Variants in TIAM1 observed in about 807,000 individuals in gnomAD.
The protein encoded by TIAM1 is rho guanine nucleotide exchange factor TIAM1.
A neutral mutation model predicts 163.5 loss-of-function variants in TIAM1; 65 were observed. The observed-to-expected ratio is 0.40, with a 90% CI of 0.33 to 0.49. The LOEUF is 0.49. TIAM1 is among the 20% of genes least tolerant of loss of function. The pLI, the probability that TIAM1 is intolerant of heterozygous loss-of-function variation, is 0.77. For synonymous variants in TIAM1, 833 were observed against 810.1 expected, an observed-to-expected ratio of 1.03 and a Z score of -0.48; for missense variants, 1,789 against 2,044.7, an observed-to-expected ratio of 0.87 and a Z score of 2.41.
In TIAM1 at chr21:31,266,996, G is replaced by C. The variant is rs374984290; in HGVS notation, c.-11-13C>G. 4.1e-5 allele frequency: 65 copies of C among 1,573,086 alleles called. 2 individuals carry two copies. In the South Asian group the frequency reaches 5.8e-4, roughly 14 times the overall value. On this transcript the variant is annotated splice_polypyrimidine_tract_variant and intron_variant, in intron 3 of 27. Coordinates refer to ENST00000541036, the MANE Select transcript of TIAM1 (RefSeq NM_001353694.2). ...ATGGTTTTATGGTCTGCAGCAAAGC[G>C]GGGGGAAAGGGGAGAATTGAGTCAC... is the stretch of plus-strand genomic sequence containing the variant.
At chr21:31,352,094 C>T (rs1462462130) in intron 2 of TIAM1, among the ~76,000 whole-genome samples, 1 of 151,670 alleles carries the variant, frequency 6.6e-6, no homozygotes, top group Non-Finnish European at 1.5e-5. Context: ...TGCATCTTTG[C>T]TAACGCCACA....
intron 19 of TIAM1, among the ~76,000 whole-genome samples, chr21:31,152,318 C>T (rs1027700286): frequency 6.6e-6 from 1 of 152,220 alleles, no homozygotes; most frequent in Admixed American, 6.5e-5. Context: ...CAGGCGTGAG[C>T]CACCATGCCC....
intron 16 of TIAM1, chr21:31,160,572 G>A: frequency 5.0e-6 from 2 of 398,644 alleles, no homozygotes; most frequent in Non-Finnish European, 8.8e-6. Flanking sequence ...TCTACCACCT[G>A]ACGTGTTCAG....
At chr21:31,196,749 T>A (rs2085879442) in intron 12 of TIAM1, among the ~76,000 whole-genome samples, 1 of 152,080 alleles carries the variant, frequency 6.6e-6, no homozygotes, top group South Asian at 2.1e-4. Flanking sequence ...TTGGTATACA[T>A]CCAAAAGAAA....
rs371995623 is a variant in TIAM1, at chr21:31,359,263, A to G, written c.-368-19841T>C. ...ATGAAGACGTAACTCATTACAATTA[A>G]TAAACAATTATTTATTTTTTAATAG... is the stretch of plus-strand genomic sequence containing the variant. On this transcript the variant is annotated intron_variant, in intron 2 of 28. Coordinates refer to the TIAM1 transcript ENST00000286827. 7.5e-4 allele frequency among the ~76,000 whole-genome samples: 114 copies of G among 152,346 alleles called. 1 individual carries two copies. In the Middle Eastern group the frequency reaches 0.014, roughly 18 times the overall value.
chr21:31,220,459 T>C (rs568591146), intron 8 of TIAM1, among the ~76,000 whole-genome samples: 2 of 152,210 alleles, frequency 1.3e-5, no homozygotes, highest in East Asian at 3.9e-4. Context: ...GTAACAAACC[T>C]GCACGTTGTG....
At position 31,397,666 on chromosome 21, in the gene TIAM1, G is replaced by A. The variant is rs147692120; in HGVS notation, c.-368-58244C>T. 1.9e-3 allele frequency among the ~76,000 whole-genome samples: 287 copies of A among 152,278 alleles called. 1 individual carries two copies. Among genetic ancestry groups the A allele is most frequent in the African/African-American group, 6.4e-3 (268 of 41,552 alleles). On this transcript the variant is annotated intron_variant, in intron 2 of 28. Coordinates refer to the TIAM1 transcript ENST00000286827. ...ATCCTTCCTGGCTTGGTGCCAACAC[G>A]TTATGATCCAAATCTGTTAGGGGGA...
intron 2 of TIAM1, among the ~76,000 whole-genome samples, chr21:31,421,063 A>G (rs1459343911): frequency 6.6e-6 from 1 of 151,722 alleles, no homozygotes; most frequent in East Asian, 1.9e-4. Flanking sequence ...TAGAGGTTGC[A>G]GTGAGTGCAG....
chr21:31,265,201 CTTTTTT>C (rs781091105), intron 4 of TIAM1, among the ~76,000 whole-genome samples: 5 of 109,990 alleles, frequency 4.5e-5, no homozygotes, highest in African/African-American at 1.7e-4. Context: ...CTTTCAAAAT[CTTTTTT>C]TTTTTTTTTT....
At chr21:31,231,516 G>A (rs1331243188) in intron 6 of TIAM1, among the ~76,000 whole-genome samples, 2 of 152,190 alleles carry the variant, frequency 1.3e-5, no homozygotes, top group Admixed American at 1.3e-4. Flanking sequence ...TCTGATGTCA[G>A]AGAGTTCACG....
chr21:31,203,775 A>T (rs1407773437), intron 11 of TIAM1, among the ~76,000 whole-genome samples: 1 of 152,258 alleles, frequency 6.6e-6, no homozygotes, highest in African/African-American at 2.4e-5. Context: ...TTTTAACCAC[A>T]TAGGGACAGT....
rs1407445272 is a variant in TIAM1 at position 31,266,896 on chromosome 21, G to A, written c.77C>T (p.Thr26Ile). 3.1e-6 allele frequency: 5 copies of A among 1,613,802 alleles called. No homozygotes were observed. Among genetic ancestry groups the A allele is most frequent in the Non-Finnish European group, 8.5e-7 (1 of 1,179,780 alleles). The change falls in exon 4 of 28, where the codon ACT (threonine) becomes ATT (isoleucine). Residue 26 changes from threonine to isoleucine, a missense_variant. This residue lies in a region of TIAM1 where 555 missense variants were observed against 564.9 expected (regional missense o/e 0.98). Coordinates refer to ENST00000541036, the MANE Select transcript of TIAM1 (RefSeq NM_001353694.2). ...EKHASLGRKH[T>I]SRSLRLSHKT... The stretch of plus-strand genomic sequence containing the variant: ...GTGCGAGAGGCGCAGGGAGCGGGAA[G>A]TGTGCTTGCGCCCCAGGCTGGCATG...
intron 2 of TIAM1, among the ~76,000 whole-genome samples, chr21:31,386,392 G>T (rs2147185369): frequency 6.6e-6 from 1 of 152,146 alleles, no homozygotes; most frequent in South Asian, 2.1e-4. Context: ...GATGCACTTG[G>T]GAAATCTCAC....
intron 7 of TIAM1, among the ~76,000 whole-genome samples, chr21:31,224,990 C>CTAGA (rs539664968): frequency 1.4e-3 from 219 of 151,806 alleles, no homozygotes; most frequent in African/African-American, 4.5e-3. Context: ...ATATCTAGAT[C>CTAGA]TAGATAGATA....
Position 31,526,839 on chromosome 21 carries a change from CT to C in TIAM1, c.-422+32087del, listed in dbSNP as rs2047803026. Among the ~76,000 whole-genome samples, 3 of 152,188 alleles carry C rather than the reference CT, an allele frequency of 2.0e-5. No individual in the cohort carries two copies. In the South Asian group the frequency reaches 6.2e-4, roughly 32 times the overall value. On this transcript the variant is annotated intron_variant, in intron 1 of 28. Transcript: ENST00000286827. ...GCCTCAACCTCCCAAGTAGCTGGGA[CT>C]ACAGGCACGCACCACCATGCCAAGC...
Position 31,380,627 on chromosome 21 carries a change from C to T in TIAM1, c.-368-41205G>A, listed in dbSNP as rs1026364729. 4.0e-5 allele frequency among the ~76,000 whole-genome samples: 6 copies of T among 151,750 alleles called. No homozygotes were observed. The South Asian group carries it at 6.3e-4, about 16-fold the overall frequency. On this transcript the variant is annotated intron_variant, in intron 2 of 28. Transcript: ENST00000286827. ...AAGTGTACATTTTAAATGGATGATT[C>T]GAAAGGGGTATGAATTATAGTTCAA... is the stretch of plus-strand genomic sequence containing the variant.
rs145397226 is a variant in TIAM1 at position 31,171,244 on chromosome 21, A to T, written c.2888-6179T>A. ...ATCAGTACCAGAGATATAAATCAGTATATGAATAGCCCAAACTGTAAATCT... is the reference window on the plus strand; with the variant it reads ...ATCAGTACCAGAGATATAAATCAGTTTATGAATAGCCCAAACTGTAAATCT... On this transcript the variant is annotated intron_variant, in intron 15 of 27. Coordinates refer to ENST00000541036, the MANE Select transcript of TIAM1 (RefSeq NM_001353694.2). Among the ~76,000 whole-genome samples the T allele has an allele frequency of 2.6e-5, 4 of 152,288 alleles. No homozygotes were observed. In the East Asian group the frequency reaches 5.8e-4, roughly 22 times the overall value.
At chr21:31,495,068 A>ATATAAAT (rs1348014811) in intron 1 of TIAM1, among the ~76,000 whole-genome samples, 1 of 152,212 alleles carries the variant, frequency 6.6e-6, no homozygotes, top group Non-Finnish European at 1.5e-5. Flanking sequence ...AAGTGTGCAT[A>ATATAAAT]TATAAATGTG....
In TIAM1 at chr21:31,120,941, T is replaced by G; in HGVS notation, c.4307-104A>C. On this transcript the variant is annotated intron_variant, in intron 27 of 27. Coordinates refer to ENST00000541036, the MANE Select transcript of TIAM1 (RefSeq NM_001353694.2). This position sits in a 1 kb window ranked among gnomAD's most constrained non-coding sequence, Gnocchi z 4.2. ...GGAGAAAATAAAAACCAAAACGGTA[T>G]GCATTGAATGCCTTGATGTCTTTTG... 9.7e-7 allele frequency: 1 copy of G among 1,033,724 alleles called. No homozygotes were observed. Among genetic ancestry groups the G allele is most frequent in the Non-Finnish European group, 1.4e-6 (1 of 728,700 alleles). The allele number at this position is 1,033,724 out of a possible 1,614,324, so 64.0% of individuals were successfully genotyped here.
Sources: gnomAD v4.1 joint callset for allele counts (sites outside exome capture counted in the v4.1 genomes callset) on GRCh38, gnomAD v4.1.1 for gene constraint, gnomAD v4.1.1 regional missense constraint, Gnocchi (gnomAD v3.1) non-coding constraint, MANE v1.5 for transcripts, NCBI Gene and HGNC (gene_info 2026-07-23, HGNC 2026-07-21) for gene names.